NDST2: variants seen among roughly 807,000 people sequenced by gnomAD.
NDST2 encodes the protein N-deacetylase and N-sulfotransferase 2.
Under a neutral mutation model 86.9 loss-of-function variants are expected in NDST2, and 32 were observed. The observed-to-expected ratio is 0.37, with a 90% CI of 0.28 to 0.49. The LOEUF (loss-of-function observed/expected upper bound fraction) is 0.49. Among genes scored for constraint, NDST2 ranks in the 20% least tolerant of loss-of-function variants. NDST2 has a pLI of 0.97. For synonymous variants in NDST2, 409 were observed against 437.0 expected, an observed-to-expected ratio of 0.94 and a Z score of 0.80; for missense variants, 950 against 1,146.9, an observed-to-expected ratio of 0.83 and a Z score of 2.48.
chr10:73,803,318 G>C lies in NDST2; in HGVS notation c.2184C>G (p.Thr728=), dbSNP rs569259517. The stretch of plus-strand genomic sequence containing the variant: ...AGGAGGCTGAAATCACCTGATAGAA[G>C]GTATAGTTCAGAGCAACTGGGTCTC... ...AHGDPVALNY[T]FYQVISASSQ... The change falls in exon 12 of 15, where the codon ACC becomes ACG. Residue 728 remains threonine (T), a synonymous_variant. Transcript: ENST00000309979. 3.0e-5 allele frequency: 48 copies of C among 1,614,166 alleles called. No homozygotes were observed. The Admixed American group carries it at 5.3e-4, about 18-fold the overall frequency.
At position 73,803,072 on chromosome 10, in the gene NDST2, C is replaced by A. The variant is rs762368945; in HGVS notation, c.2323G>T (p.Val775Leu). ...TTGGTACGCAGCTCTTGCCCATCCA[C>A]AATCAGCAACTAAAAGGACAGGGAT... Reference protein sequence around the residue: ...TYYPSGQLLIVDGQELRTNPA... With the variant: ...TYYPSGQLLILDGQELRTNPA... Residue 775 changes from valine to leucine, a missense_variant, in exon 13 of 15, where the codon GTG (valine) becomes TTG (leucine). Val to Leu is a conservative substitution (Grantham distance 32). Coordinates refer to ENST00000309979, the MANE Select transcript of NDST2 (RefSeq NM_003635.4). 6.2e-7 allele frequency: 1 copy of A among 1,614,226 alleles called. No individual in the cohort carries two copies. Among genetic ancestry groups the A allele is most frequent in the Admixed American group, 1.7e-5 (1 of 60,030 alleles).
In NDST2 at chr10:73,808,431, G is replaced by C; in HGVS notation, c.-43C>G. The C allele has an allele frequency of 6.5e-7, 1 of 1,529,072 alleles. No individual in the cohort carries two copies. Among genetic ancestry groups the C allele is most frequent in the Non-Finnish European group, 8.8e-7 (1 of 1,133,738 alleles). 94.7% of individuals were successfully genotyped at this position (1,529,072 alleles called of 1,614,324 possible). ...AGGGAGGAATGGGGACCACCTCAGG[G>C]GATGGGAGGTAGGAGTTCTATAGGC... On this transcript the variant is annotated 5_prime_UTR_variant, in exon 3 of 15. Transcript: ENST00000309979. The surrounding 1 kb of genome is among the most constrained non-coding windows in gnomAD (Gnocchi z 4.3).
rs766185249 is a variant in NDST2, at chr10:73,808,425, C to T, written c.-37G>A. ...GAAGGGAGGGAGGAATGGGGACCAC[C>T]TCAGGGGATGGGAGGTAGGAGTTCT... is the stretch of plus-strand genomic sequence containing the variant. On this transcript the variant is annotated 5_prime_UTR_variant, in exon 3 of 15. Coordinates refer to ENST00000309979, the MANE Select transcript of NDST2 (RefSeq NM_003635.4). The surrounding 1 kb of genome is among the most constrained non-coding windows in gnomAD (Gnocchi z 4.3). The T allele has an allele frequency of 6.5e-7, 1 of 1,544,312 alleles. No homozygotes were observed. Among genetic ancestry groups the T allele is most frequent in the South Asian group, 1.2e-5 (1 of 80,974 alleles).
At chr10:73,810,686 C>A (rs1379249894) in intron 2 of NDST2, 113 bp downstream of exon 2, 1 of 395,042 alleles carries the variant, frequency 2.5e-6, no homozygotes. Context: ...GCCAGCCATT[C>A]TTCTAAGAGC....
chr10:73,809,823 C>A (rs1483788420), intron 2 of NDST2, among the ~76,000 whole-genome samples: 2 of 152,184 alleles, frequency 1.3e-5, no homozygotes, highest in Non-Finnish European at 2.9e-5. Flanking sequence ...GCTTCAAACT[C>A]CTGGGCTCAA....
rs768300179 is a variant in NDST2 at position 73,807,820 on chromosome 10, A to C, written c.569T>G (p.Phe190Cys). ...CCGGAGCCCCAAGTTTGAGTGTAAA[A>C]AAAGGGGAAAGCCCTTGAGCTGGGC... is the stretch of plus-strand genomic sequence containing the variant. ...LSAQLKGFPL[F>C]LHSNLGLRDY... The change falls in exon 3 of 15, where the codon TTT (phenylalanine) becomes TGT (cysteine). Residue 190 changes from phenylalanine (F) to cysteine (C), a missense_variant. Around this residue, in one of 5 missense-constraint regions of NDST2, gnomAD observed 586 missense variants for 714.0 expected, o/e 0.82. Coordinates refer to ENST00000309979, the MANE Select transcript of NDST2 (RefSeq NM_003635.4). 1.9e-6 allele frequency: 3 copies of C among 1,614,058 alleles called. No individual in the cohort carries two copies. Among genetic ancestry groups the C allele is most frequent in the African/African-American group, 2.7e-5 (2 of 74,928 alleles).
Position 73,803,488 on chromosome 10 carries a change from T to G in NDST2, c.2142+86A>C, listed in dbSNP as rs903165987. ...AGGCACTAGTTAAGTTTCTCAAACC[T>G]CACTCCTTTCTCCCTCTCTAGCAGT... On this transcript the variant is annotated intron_variant, in intron 11 of 14. Coordinates refer to ENST00000309979, the MANE Select transcript of NDST2 (RefSeq NM_003635.4). 1.9e-6 allele frequency: 3 copies of G among 1,546,254 alleles called. No individual in the cohort carries two copies. The African/African-American group carries it at 4.1e-5, about 21-fold the overall frequency.
rs1453313856 is a variant in NDST2 at position 73,802,761 on chromosome 10, C to T, written c.2439G>A (p.Lys813=). ...CTTCAAGTCCCTGGCACCAAAATCC[C>T]TTATCATCATCAAACCTGCTCAACA... ...YTRTLRFDDD[K]GFWCQGLEGG... Residue 813 remains lysine (K), a synonymous_variant, in exon 14 of 15, where the codon AAG becomes AAA. Transcript: ENST00000309979. The T allele has an allele frequency of 1.2e-6, 2 of 1,614,174 alleles. No homozygotes were observed. Among genetic ancestry groups the T allele is most frequent in the East Asian group, 2.2e-5 (1 of 44,880 alleles).
rs1202444590 is a variant in NDST2, at chr10:73,807,674, G to A, written c.715C>T (p.Pro239Ser). 3.7e-6 allele frequency: 6 copies of A among 1,614,232 alleles called. No individual in the cohort carries two copies. The highest frequency in any genetic ancestry group is 5.1e-6 in the Non-Finnish European group (6 of 1,180,052). The stretch of plus-strand genomic sequence containing the variant: ...GGCCGAAGGCTGGCAAGAAGCACTG[G>A]TTCATATGTACTATGATTGGATTGG... ...IFQSNHSTYE[P>S]VLLASLRPAE... Residue 239 changes from proline (P) to serine (S), a missense_variant, in exon 3 of 15, where the codon CCA becomes TCA. This residue lies in a region of NDST2 where 586 missense variants were observed against 714.0 expected (regional missense o/e 0.82). Coordinates refer to ENST00000309979, the MANE Select transcript of NDST2 (RefSeq NM_003635.4).
rs1022618049 is a variant in NDST2, at chr10:73,810,788, A to C, written c.-342+11T>G. The C allele has an allele frequency of 1.5e-5, 6 of 398,930 alleles. No individual in the cohort carries two copies. In the Middle Eastern group the frequency reaches 1.9e-3, roughly 124 times the overall value. 24.7% of individuals were successfully genotyped at this position (398,930 alleles called of 1,614,324 possible). On this transcript the variant is annotated intron_variant, in intron 2 of 14. Transcript: ENST00000309979. ...CATTTCACATATGAGTAACTCAGAG[A>C]AGCTTAGAACCTTGCCCAGGATCAC...
rs1472022070 is a variant in NDST2 at position 73,808,042 on chromosome 10, T to C, written c.347A>G (p.Glu116Gly). The C allele has an allele frequency of 2.5e-6, 4 of 1,614,228 alleles. No individual in the cohort carries two copies. Among genetic ancestry groups the C allele is most frequent in the Non-Finnish European group, 8.5e-7 (1 of 1,180,034 alleles). Residue 116 changes from glutamate to glycine, a missense_variant, in exon 3 of 15, where the codon GAG becomes GGG. Around this residue, in one of 5 missense-constraint regions of NDST2, gnomAD observed 586 missense variants for 714.0 expected, o/e 0.82. Coordinates refer to ENST00000309979, the MANE Select transcript of NDST2 (RefSeq NM_003635.4). This position sits in a 1 kb window ranked among gnomAD's most constrained non-coding sequence, Gnocchi z 4.3. The part of the protein sequence containing the change: ...LESSRFRYST[E>G]LAPGRGDMPT... Reference sequence around the variant, plus strand: ...CATGTCCCCTCGGCCAGGTGCCAACTCAGTGCTATAACGAAAACGACTAGA... The same window carrying C: ...CATGTCCCCTCGGCCAGGTGCCAACCCAGTGCTATAACGAAAACGACTAGA...
Position 73,805,730 on chromosome 10 carries a change from C to A in NDST2, c.1603G>T (p.Asp535Tyr). 1.2e-6 allele frequency: 2 copies of A among 1,614,202 alleles called. No homozygotes were observed. The highest frequency in any genetic ancestry group is 2.2e-5 in the South Asian group (2 of 91,060). The change falls in exon 8 of 15, where the codon GAC (aspartate) becomes TAC (tyrosine). Residue 535 changes from aspartate (D) to tyrosine (Y), a missense_variant. Transcript: ENST00000309979. ...FMTHLSNYGN[D>Y]RLGLYTFESL... The stretch of plus-strand genomic sequence containing the variant: ...TCAAAGGTGTATAGGCCCAGCCGGT[C>A]ATTTCCATAATTGGACAGATGGGTC...
rs2084050502 is a variant in NDST2, at chr10:73,803,764, GAA to G, written c.1968-18_1968-17del. On this transcript the variant is annotated splice_polypyrimidine_tract_variant and intron_variant, in intron 10 of 14. Transcript: ENST00000309979. ...ATCCATGTACCTAGGAAGTAGCACAGAAGAGAGAGAAGCAGAAAAATATGCAG... is the reference window on the plus strand; with the variant it reads ...ATCCATGTACCTAGGAAGTAGCACAGGAGAGAGAAGCAGAAAAATATGCAG... 4 of 1,614,004 alleles carry G rather than the reference GAA, an allele frequency of 2.5e-6. No individual in the cohort carries two copies. Among genetic ancestry groups the G allele is most frequent in the Non-Finnish European group, 3.4e-6 (4 of 1,179,834 alleles).
Position 73,808,024 on chromosome 10 carries a change from C to T in NDST2, c.365G>A (p.Gly122Glu). Residue 122 changes from glycine (G) to glutamate (E), a missense_variant, in exon 3 of 15, where the codon GGG (glycine) becomes GAG (glutamate). By Grantham distance (98) the Gly-to-Glu change is moderately conservative. Around this residue, in one of 5 missense-constraint regions of NDST2, gnomAD observed 586 missense variants for 714.0 expected, o/e 0.82. Coordinates refer to ENST00000309979, the MANE Select transcript of NDST2 (RefSeq NM_003635.4). This position sits in a 1 kb window ranked among gnomAD's most constrained non-coding sequence, Gnocchi z 4.3. ...ATTATCAGTCAATGTGGGCATGTCC[C>T]CTCGGCCAGGTGCCAACTCAGTGCT... is the stretch of plus-strand genomic sequence containing the variant. ...RYSTELAPGR[G>E]DMPTLTDNTH... The T allele has an allele frequency of 1.2e-6, 2 of 1,614,230 alleles. No homozygotes were observed. Among genetic ancestry groups the T allele is most frequent in the Non-Finnish European group, 1.7e-6 (2 of 1,180,042 alleles).
In NDST2 at chr10:73,807,851, G is replaced by A; in HGVS notation, c.538C>T (p.Leu180=). ...GGAAAGCCCTTGAGCTGGGCGCTCAGTAGGCTGTGCTCGTGGGCTCGGAAA... is the reference window on the plus strand; with the variant it reads ...GGAAAGCCCTTGAGCTGGGCGCTCAATAGGCTGTGCTCGTGGGCTCGGAAA... ...GFFRAHEHSL[L]SAQLKGFPLF... is the part of the protein sequence containing the mutation. The change falls in exon 3 of 15, where the codon CTG becomes TTG. Residue 180 remains leucine, a synonymous_variant. Coordinates refer to ENST00000309979, the MANE Select transcript of NDST2 (RefSeq NM_003635.4). 6.2e-7 allele frequency: 1 copy of A among 1,607,630 alleles called. No individual in the cohort carries two copies. The highest frequency in any genetic ancestry group is 1.7e-4 in the Middle Eastern group (1 of 6,026).
Position 73,805,662 on chromosome 10 carries a change from T to C in NDST2, c.1671A>G (p.Leu557=), listed in dbSNP as rs1419112988. Residue 557 remains leucine, a synonymous_variant, in exon 8 of 15, where the codon CTA becomes CTG. Transcript: ENST00000309979. ...CAAGTGGGACAGGAGGAAGGGTCTG[T>C]AGGCGCAGCCGTGTCCAACACTGGA... is the stretch of plus-strand genomic sequence containing the variant. ...RFLQCWTRLR[L]QTLPPVPLAQ... is the part of the protein sequence containing the mutation. 6.2e-7 allele frequency: 1 copy of C among 1,614,100 alleles called. No homozygotes were observed. Among genetic ancestry groups the C allele is most frequent in the African/African-American group, 1.3e-5 (1 of 74,924 alleles).
chr10:73,806,776 G>A lies in NDST2; in HGVS notation c.1129C>T (p.Leu377=). 6.2e-7 allele frequency: 1 copy of A among 1,614,166 alleles called. No individual in the cohort carries two copies. The change falls in exon 5 of 15, where the codon CTG becomes TTG. Residue 377 remains leucine (L), a synonymous_variant. Transcript: ENST00000309979. This position sits in a 1 kb window ranked among gnomAD's most constrained non-coding sequence, Gnocchi z 4.5. The part of the protein sequence containing the change: ...EEEDAGDDML[L]KHRKEFWWFP... ...CACCAGAACTCTTTGCGGTGCTTCA[G>A]CAGCATGTCGTCCCCTGCATCCTCC...
At chr10:73,804,368 C>T (rs1416905335) in intron 9 of NDST2, among the ~76,000 whole-genome samples, 3 of 152,220 alleles carry the variant, frequency 2.0e-5, no homozygotes, top group African/African-American at 7.2e-5. Flanking sequence ...AGGCCGGGTG[C>T]GGTGGCTCAT....
At chr10:73,804,669 C>T (rs2084067260) in intron 9 of NDST2, 104 bp downstream of exon 9, 3 of 564,866 alleles carry the variant, frequency 5.3e-6, no homozygotes, top group Non-Finnish European at 9.0e-6. Flanking sequence ...ATTAAAAATA[C>T]TTTTTTCACT....
Sources: allele counts gnomAD v4.1 joint callset (sites outside exome capture counted in the v4.1 genomes callset), GRCh38; gene constraint gnomAD v4.1.1; regional missense constraint gnomAD v4.1.1; non-coding constraint Gnocchi (gnomAD v3.1); transcripts MANE v1.5; gene names NCBI Gene and HGNC (gene_info 2026-07-23, HGNC 2026-07-21).